Variants in KIF3A observed in about 807,000 individuals in gnomAD.
The protein encoded by KIF3A is kinesin family member 3A.
Under a neutral mutation model 92.6 loss-of-function variants are expected in KIF3A, and 27 were observed. The observed-to-expected ratio is 0.29, with a 90% CI of 0.21 to 0.40. KIF3A has a LOEUF of 0.40. Ranked by LOEUF, KIF3A falls within the 10% of genes least tolerant of loss-of-function variation. KIF3A has a pLI of 1.00. For synonymous variants in KIF3A, 250 were observed against 275.4 expected (o/e 0.91, Z 0.92); for missense variants, 581 against 872.6 (o/e 0.67, Z 4.21).
At chr5:132,716,551 C>G in intron 6 of KIF3A, 109 bp from the exon 7 acceptor site, 1 of 860,164 alleles carries the variant, frequency 1.2e-6, no homozygotes, top group Non-Finnish European at 1.8e-6. Flanking sequence ...TGATATGATG[C>G]CTGAATTCAC....
At position 132,715,949 on chromosome 5, in the gene KIF3A, T is replaced by C; in HGVS notation, c.955-18A>G. ...TTTGCACACTATTGAATTAGAAATA[T>C]GAAACAAATCATTTTACACTTGACA... On this transcript the variant is annotated intron_variant, in intron 7 of 18. Transcript: ENST00000403231. 2 of 1,521,634 alleles carry C rather than the reference T, an allele frequency of 1.3e-6. No homozygotes were observed. Among genetic ancestry groups the C allele is most frequent in the Non-Finnish European group, 8.9e-7 (1 of 1,120,426 alleles). 94.3% of individuals were successfully genotyped at this position (1,521,634 alleles called of 1,614,324 possible). A position where few individuals can be genotyped will look rare whatever the true frequency, so the allele number is the denominator to read the frequency against.
intron 2 of KIF3A, among the ~76,000 whole-genome samples, chr5:132,732,836 G>A (rs1182967620): frequency 6.6e-6 from 1 of 151,922 alleles, no homozygotes; most frequent in East Asian, 1.9e-4. Context: ...TTGAACCCAG[G>A]AGGCAGAAGT....
In KIF3A at chr5:132,715,857, C is replaced by T. The variant is rs749228399; in HGVS notation, c.1029G>A (p.Lys343=). 8.7e-6 allele frequency: 14 copies of T among 1,610,470 alleles called. No individual in the cohort carries two copies. The highest frequency in any genetic ancestry group is 1.1e-5 in the Non-Finnish European group (13 of 1,177,286). The change falls in exon 8 of 19, where the codon AAG becomes AAA. Residue 343 remains lysine (K), a synonymous_variant. Transcript: ENST00000403231. ...ISTLRYANRA[K]NIKNKARINE... is the part of the protein sequence containing the mutation. ...TAATTCTAGCTTTATTTTTAATATT[C>T]TTAGCACGATTGGCATACCGTAATG... is the stretch of plus-strand genomic sequence containing the variant.
chr5:132,688,845 G>A (rs1752602180), downstream of KIF3A: 2 of 152,204 alleles, frequency 1.3e-5, no homozygotes, highest in South Asian at 4.1e-4. Context: ...CAGTTGTAAA[G>A]TCCCAGTTAA....
rs143149001 is a variant in KIF3A, at chr5:132,706,145, C to T, written c.1309+306G>A. On this transcript the variant is annotated intron_variant, in intron 11 of 18. Coordinates refer to ENST00000403231, the MANE Select transcript of KIF3A (RefSeq NM_001300791.2). Reference sequence around the variant, plus strand: ...AATTGAATTAATTTCATTTTTATTACATAAGCAACCACGGCATAACCAGGT... The same window carrying T: ...AATTGAATTAATTTCATTTTTATTATATAAGCAACCACGGCATAACCAGGT... Among the ~76,000 whole-genome samples, 215 of 152,130 alleles carry T rather than the reference C, an allele frequency of 1.4e-3. 3 individuals are homozygous for T. In the East Asian group the frequency reaches 0.037, roughly 26 times the overall value.
At chr5:132,716,583 A>T (rs1472982891) in intron 6 of KIF3A, 141 bp from the exon 7 acceptor site, 6 of 791,938 alleles carry the variant, frequency 7.6e-6, no homozygotes, top group Non-Finnish European at 1.2e-5. Context: ...ATAGGAAAGG[A>T]AGAAGTGGGG....
intron 15 of KIF3A, among the ~76,000 whole-genome samples, chr5:132,701,335 C>T (rs750977371): frequency 1.3e-5 from 2 of 151,772 alleles, no homozygotes; most frequent in Non-Finnish European, 2.9e-5. Context: ...CCCATCTCTA[C>T]TAAATATACA....
rs1425389092 is a variant in KIF3A at position 132,702,143 on chromosome 5, G to A, written c.1828C>T (p.Arg610Trp). ...GLLENIRQLS[R>W]ELRLQMLIID... ...ATAAGCATCTGAAGTCGAAGCTCCC[G>A]GCTAAGTTGCCGAATGTTCTCCAGT... The change falls in exon 15 of 19, where the codon CGG (arginine) becomes TGG (tryptophan). Residue 610 changes from arginine to tryptophan, a missense_variant. Physicochemically the swap from Arg to Trp is moderately radical, Grantham distance 101 (BLOSUM62 -3). This residue lies in a region of KIF3A where 112 missense variants were observed against 144.3 expected (regional missense o/e 0.78). Coordinates refer to ENST00000403231, the MANE Select transcript of KIF3A (RefSeq NM_001300791.2). The A allele has an allele frequency of 1.5e-5, 24 of 1,613,664 alleles. No homozygotes were observed. The highest frequency in any genetic ancestry group is 2.2e-5 in the South Asian group (2 of 91,040).
intron 4 of KIF3A, among the ~76,000 whole-genome samples, chr5:132,721,117 C>T (rs1753808764): frequency 6.6e-6 from 1 of 151,920 alleles, no homozygotes; most frequent in African/African-American, 2.4e-5. Flanking sequence ...AATTAACAAA[C>T]CGAAAAAGAC....
Position 132,716,832 on chromosome 5 carries a change from T to C in KIF3A, c.756+13A>G, listed in dbSNP as rs936897595. On this transcript the variant is annotated intron_variant, in intron 6 of 18. Coordinates refer to ENST00000403231, the MANE Select transcript of KIF3A (RefSeq NM_001300791.2). ...AGAAAGAGTTATTCCTTAAGCAGTG[T>C]CCTGTTACTTACAGCAAGATCTACA... 3.1e-6 allele frequency: 5 copies of C among 1,612,704 alleles called. No homozygotes were observed. Among genetic ancestry groups the C allele is most frequent in the South Asian group, 1.1e-5 (1 of 90,884 alleles).
chr5:132,718,031 G>C (rs1753693124), intron 5 of KIF3A, among the ~76,000 whole-genome samples: 1 of 151,912 alleles, frequency 6.6e-6, no homozygotes, highest in Non-Finnish European at 1.5e-5. Context: ...AAAGCATAAA[G>C]TGAAAGCTCC....
chr5:132,707,912 T>G (rs1753272493), intron 10 of KIF3A, among the ~76,000 whole-genome samples: 1 of 152,184 alleles, frequency 6.6e-6, no homozygotes, highest in Admixed American at 6.5e-5. Context: ...AACAAAAGCC[T>G]TTAAGTTTGA....
Position 132,716,288 on chromosome 5 carries a change from C to G in KIF3A, c.911G>C (p.Arg304Pro), listed in dbSNP as rs982629297. ...HVPYRNSKLT[R>P]LLQDSLGGNS... The stretch of plus-strand genomic sequence containing the variant: ...TCCTCCTAAGGAATCCTGAAGAAGA[C>G]GAGTCAGTTTAGAGTTACGATAAGG... The change falls in exon 7 of 19, where the codon CGT becomes CCT. Residue 304 changes from arginine to proline, a missense_variant. Arg to Pro is a moderately radical substitution (Grantham distance 103). Transcript: ENST00000403231. 1 of 1,613,806 alleles carries G rather than the reference C, an allele frequency of 6.2e-7. No homozygotes were observed. Among genetic ancestry groups the G allele is most frequent in the Non-Finnish European group, 8.5e-7 (1 of 1,179,912 alleles).
chr5:132,728,212 T>C (rs1357085268), intron 2 of KIF3A, among the ~76,000 whole-genome samples: 1 of 152,166 alleles, frequency 6.6e-6, no homozygotes, highest in Non-Finnish European at 1.5e-5. Flanking sequence ...TACATGCTTT[T>C]TTTTTAAGAG....
At chr5:132,737,276 C>G in intron 1 of KIF3A, 138 bp downstream of exon 1, 3 of 963,650 alleles carry the variant, frequency 3.1e-6, no homozygotes, top group Non-Finnish European at 4.4e-6. Flanking sequence ...GCTCTCCAAC[C>G]ACCTCCACCG....
intron 15 of KIF3A, among the ~76,000 whole-genome samples, 200 bp downstream of exon 15, chr5:132,701,887 G>C (rs541342810): frequency 1.3e-5 from 2 of 152,274 alleles, no homozygotes; most frequent in Non-Finnish European, 2.9e-5. Flanking sequence ...ACATGAATCT[G>C]AGTTCGTCTA....
At position 132,699,154 on chromosome 5, in the gene KIF3A, T is replaced by C. The variant is rs755531173; in HGVS notation, c.2132+17A>G. 1 of 1,612,838 alleles carries C rather than the reference T, an allele frequency of 6.2e-7. No individual in the cohort carries two copies. Among genetic ancestry groups the C allele is most frequent in the Non-Finnish European group, 8.5e-7 (1 of 1,179,020 alleles). ...CCTCAATGCCTTCGTTTTACCAGATTCAAGGACAGTCCTTACCTTCTCCCT... is the reference window on the plus strand; with the variant it reads ...CCTCAATGCCTTCGTTTTACCAGATCCAAGGACAGTCCTTACCTTCTCCCT... On this transcript the variant is annotated intron_variant, in intron 18 of 18. Transcript: ENST00000403231.
In KIF3A at chr5:132,703,573, T is replaced by C. The variant is rs1458675016; in HGVS notation, c.1356A>G (p.Lys452=). The change falls in exon 12 of 19, where the codon AAA becomes AAG. Residue 452 remains lysine, a synonymous_variant. Transcript: ENST00000403231. ...SPDKMIEMQA[K]IDEERKALET... ...CAAGTGCTTTTCTCTCCTCATCAAT[T>C]TTTGCTTGCATTTCAATCATCTTGT... 1 of 1,612,184 alleles carries C rather than the reference T, an allele frequency of 6.2e-7. No homozygotes were observed. Among genetic ancestry groups the C allele is most frequent in the East Asian group, 2.2e-5 (1 of 44,748 alleles).
intron 9 of KIF3A, among the ~76,000 whole-genome samples, chr5:132,709,998 G>A (rs2149900959): frequency 6.6e-6 from 1 of 152,236 alleles, no homozygotes; most frequent in East Asian, 1.9e-4. Context: ...AACAAAATAT[G>A]CACCAGCTTG....
Sources: gnomAD v4.1 joint callset for allele counts (sites outside exome capture counted in the v4.1 genomes callset) on GRCh38, gnomAD v4.1.1 for gene constraint, gnomAD v4.1.1 regional missense constraint, MANE v1.5 for transcripts, NCBI Gene and HGNC (gene_info 2026-07-23, HGNC 2026-07-21) for gene names.